The following EPHA6 variants were observed in gnomAD, a reference collection of about 807,000 sequenced individuals.
EPHA6 encodes EPH receptor A6.
EPHA6 carries 50 observed loss-of-function variants against 112.0 expected under a neutral mutation model. The ratio of observed to expected loss-of-function variants is 0.45; its 90% CI spans 0.36 to 0.56. The LOEUF is 0.56. Ranked by LOEUF, EPHA6 falls within the 20% of genes least tolerant of loss-of-function variation. The pLI, the probability that EPHA6 is intolerant of heterozygous loss-of-function variation, is 0.00. For missense variants in EPHA6, 1,280 were observed against 1,417.4 expected (o/e 0.90, Z 1.56); for synonymous variants, 529 against 490.7 (o/e 1.08, Z -1.03).
At chr3:96,930,029 C>A (rs971606198) in intron 2 of EPHA6, among the ~76,000 whole-genome samples, 5 of 152,064 alleles carry the variant, frequency 3.3e-5, no homozygotes, top group African/African-American at 1.2e-4. Flanking sequence ...CTTGTGATTG[C>A]GTTGTGAAGT....
At chr3:97,663,812 T>C (rs2094186898) in intron 14 of EPHA6, among the ~76,000 whole-genome samples, 1 of 152,206 alleles carries the variant, frequency 6.6e-6, no homozygotes, top group South Asian at 2.1e-4. Context: ...TATGTGTCTT[T>C]ATAGCAGCAT....
chr3:97,083,597 G>T (rs1205337309), intron 3 of EPHA6, among the ~76,000 whole-genome samples: 1 of 151,704 alleles, frequency 6.6e-6, no homozygotes. Context: ...ATGATTCCCA[G>T]GTCTTTTTTT....
At chr3:97,331,863 T>C (rs1321980488) in intron 5 of EPHA6, among the ~76,000 whole-genome samples, 2 of 152,172 alleles carry the variant, frequency 1.3e-5, no homozygotes, top group Non-Finnish European at 2.9e-5. Context: ...TCTGAAACTA[T>C]TCTAATCAAT....
chr3:96,910,101 C>T (rs756463998), intron 2 of EPHA6, among the ~76,000 whole-genome samples: 15 of 151,922 alleles, frequency 9.9e-5, no homozygotes, highest in Admixed American at 2.6e-4. Flanking sequence ...AGTTGTACAT[C>T]GTTCATAAAT....
chr3:97,552,238 TA>T (rs202138007), intron 11 of EPHA6, among the ~76,000 whole-genome samples: 1 of 152,208 alleles, frequency 6.6e-6, no homozygotes, highest in East Asian at 1.9e-4. Flanking sequence ...GTACTATTTT[TA>T]TAAGATAAAA....
intron 5 of EPHA6, among the ~76,000 whole-genome samples, chr3:97,326,344 C>T (rs2082421595): frequency 6.6e-6 from 1 of 151,508 alleles, no homozygotes; most frequent in African/African-American, 2.4e-5. Flanking sequence ...AGTAGTTTAG[C>T]TTTGAAATTT....
Position 97,614,514 on chromosome 3 carries a change from T to TA in EPHA6, c.2574+3660_2574+3661insA, listed in dbSNP as rs1560192444. Among the ~76,000 whole-genome samples, 1,047 of 148,918 alleles carry TA rather than the reference T, an allele frequency of 7.0e-3. 20 individuals carry two copies. The highest frequency in any genetic ancestry group is 0.023 in the African/African-American group (955 of 40,858). ...CACACCCAGCTAATTTTTTTTTTTT[T>TA]TTTTTTTTTTTTGTATTTTAGAAGA... On this transcript the variant is annotated intron_variant, in intron 13 of 17. Coordinates refer to ENST00000389672, the MANE Select transcript of EPHA6 (RefSeq NM_001080448.3).
chr3:96,830,873 A>G (rs187967109), intron 1 of EPHA6, among the ~76,000 whole-genome samples: 29 of 152,148 alleles, frequency 1.9e-4, no homozygotes, highest in Admixed American at 1.7e-3. Context: ...GAGCATAGTT[A>G]ATGATAATAA....
intron 5 of EPHA6, among the ~76,000 whole-genome samples, chr3:97,245,436 A>T (rs893642345): frequency 1.1e-4 from 16 of 152,014 alleles, no homozygotes; most frequent in African/African-American, 3.4e-4. Context: ...TTCTAAATGC[A>T]ATCTCATTCT....
chr3:97,273,558 G>T (rs974349722), intron 5 of EPHA6, among the ~76,000 whole-genome samples: 2 of 152,206 alleles, frequency 1.3e-5, no homozygotes, highest in Non-Finnish European at 2.9e-5. Context: ...TGAATTCTGA[G>T]AAGGGAAAGT....
chr3:97,287,546 C>G (rs1044080506), intron 5 of EPHA6, among the ~76,000 whole-genome samples: 1 of 151,706 alleles, frequency 6.6e-6, no homozygotes, highest in African/African-American at 2.4e-5. Flanking sequence ...GCCTTTGGGC[C>G]TACATCCTTT....
intron 5 of EPHA6, among the ~76,000 whole-genome samples, chr3:97,281,046 T>A (rs2080266516): frequency 6.6e-6 from 1 of 152,214 alleles, no homozygotes; most frequent in African/African-American, 2.4e-5. Flanking sequence ...TTAAATTAAG[T>A]AAACTTCTTT....
Position 97,422,770 on chromosome 3 carries a change from A to T in EPHA6, c.1731+17496A>T, listed in dbSNP as rs559896386. ...TAGATGCAAAATTCCACAACAAAAC[A>T]TTAGCAGAGCAAACAAGTACCACAT... On this transcript the variant is annotated intron_variant, in intron 6 of 17. Coordinates refer to ENST00000389672, the MANE Select transcript of EPHA6 (RefSeq NM_001080448.3). 5.3e-5 allele frequency among the ~76,000 whole-genome samples: 8 copies of T among 152,334 alleles called. No individual in the cohort carries two copies. The South Asian group carries it at 1.7e-3, about 32-fold the overall frequency.
chr3:97,009,958 C>T (rs1432171012), intron 3 of EPHA6: 4 of 578,964 alleles, frequency 6.9e-6, no homozygotes, highest in Admixed American at 2.4e-5. Context: ...CCTTGGTTGC[C>T]GTTGAAGGAT....
At chr3:97,030,311 G>A (rs1243129671) in intron 3 of EPHA6, among the ~76,000 whole-genome samples, 1 of 152,034 alleles carries the variant, frequency 6.6e-6, no homozygotes, top group Non-Finnish European at 1.5e-5. Context: ...CCAGCCTGTA[G>A]CATTCAGAGA....
chr3:97,179,723 CT>C (rs2076934508), intron 3 of EPHA6, among the ~76,000 whole-genome samples: 1 of 127,254 alleles, frequency 7.9e-6, no homozygotes, highest in African/African-American at 2.8e-5. Flanking sequence ...CAGAGTCTCT[CT>C]CTCTCTCTCT....
chr3:97,378,289 A>G (rs1465458385), intron 5 of EPHA6, among the ~76,000 whole-genome samples: 1 of 152,216 alleles, frequency 6.6e-6, no homozygotes. Context: ...CACAGAGTCA[A>G]GAATTGGGGT....
intron 3 of EPHA6, among the ~76,000 whole-genome samples, chr3:97,047,870 G>T (rs553620453): frequency 4.4e-4 from 67 of 152,000 alleles, no homozygotes; most frequent in African/African-American, 1.6e-3. Context: ...AGTTGATGTC[G>T]ATTTGAGCAA....
At chr3:97,084,198 C>A (rs1263502284) in intron 3 of EPHA6, among the ~76,000 whole-genome samples, 1 of 148,016 alleles carries the variant, frequency 6.8e-6, no homozygotes, top group Admixed American at 6.8e-5. Context: ...ACTTTTCATC[C>A]ATTGCAAAAT....
Sources: allele counts gnomAD v4.1 joint callset (sites outside exome capture counted in the v4.1 genomes callset), GRCh38; gene constraint gnomAD v4.1.1; transcripts MANE v1.5; gene names NCBI Gene and HGNC (gene_info 2026-07-23, HGNC 2026-07-21).